F2RL1: variants seen among roughly 807,000 people sequenced by gnomAD.
F2RL1 encodes F2R like trypsin receptor 1.
A neutral mutation model predicts 21.7 loss-of-function variants in F2RL1; 16 were observed. The ratio of observed to expected loss-of-function variants is 0.74; its 90% confidence interval spans 0.50 to 1.12. F2RL1 has a LOEUF of 1.12. Ranked by LOEUF, F2RL1 falls within the 50% of genes most tolerant of loss-of-function variation. The pLI is 0.00. For missense variants in F2RL1, 432 were observed against 477.8 expected (o/e 0.90, Z 0.89); for synonymous variants, 181 against 186.7 (o/e 0.97, Z 0.25).
chr5:76,819,198 G>A lies in F2RL1; in HGVS notation c.16G>A (p.Ala6Thr). ...TTCCAGGAGGATGCGGAGCCCCAGC[G>A]CGGCGTGGCTGCTGGGGGCCGCCAT... MRSPS[A>T]AWLLGAAILL... Residue 6 changes from alanine to threonine, a missense_variant, in exon 1 of 2, where the codon GCG (alanine) becomes ACG (threonine). By Grantham distance (58) the Ala-to-Thr change is moderately conservative (BLOSUM62 0). Coordinates refer to ENST00000296677, the MANE Select transcript of F2RL1 (RefSeq NM_005242.6). The A allele has an allele frequency of 6.3e-7, 1 of 1,587,104 alleles. No homozygotes were observed. Among genetic ancestry groups the A allele is most frequent in the Non-Finnish European group, 8.5e-7 (1 of 1,175,578 alleles).
chr5:76,827,423 C>T (rs1373819600), intron 1 of F2RL1, among the ~76,000 whole-genome samples: 5 of 150,236 alleles, frequency 3.3e-5, no homozygotes, highest in African/African-American at 7.3e-5. Context: ...GGCATGAACC[C>T]GGGAGGCGGA....
chr5:76,819,341 C>T, intron 1 of F2RL1, 77 bp downstream of exon 1: 1 of 1,302,676 alleles, frequency 7.7e-7, no homozygotes, highest in Non-Finnish European at 1.1e-6. Flanking sequence ...CGGTGGGATC[C>T]GGGCAGGTGT....
In F2RL1 at chr5:76,833,937, A is replaced by G. The variant is rs565779111; in HGVS notation, c.*136A>G. On this transcript the variant is annotated 3_prime_UTR_variant, in exon 2 of 2. Transcript: ENST00000296677. ...GGATGCAGCACCTCTCAGGATTGCT[A>G]GGAGCTCCCCTGTTTGCATGAGAAA... 18 of 897,414 alleles carry G rather than the reference A, an allele frequency of 2.0e-5. No homozygotes were observed. The Admixed American group carries it at 4.4e-4, about 22-fold the overall frequency. 55.6% of individuals were successfully genotyped at this position (897,414 alleles called of 1,614,324 possible).
chr5:76,821,998 C>T (rs566243318), intron 1 of F2RL1, among the ~76,000 whole-genome samples: 52 of 152,260 alleles, frequency 3.4e-4, no homozygotes, highest in African/African-American at 1.3e-3. Context: ...AAAGTAGCCA[C>T]CGCTAATATT....
intron 1 of F2RL1, among the ~76,000 whole-genome samples, chr5:76,826,657 C>T (rs1312872900): frequency 6.6e-6 from 1 of 151,590 alleles, no homozygotes; most frequent in Non-Finnish European, 1.5e-5. Context: ...GGGCCCACAC[C>T]ACCACCTCTG....
chr5:76,831,721 T>G (rs953521094), intron 1 of F2RL1, among the ~76,000 whole-genome samples: 2 of 151,978 alleles, frequency 1.3e-5, no homozygotes, highest in Non-Finnish European at 2.9e-5. Context: ...AGAGTCAGGG[T>G]TTCGCCATGT....
intron 1 of F2RL1, among the ~76,000 whole-genome samples, chr5:76,822,072 G>T (rs968288801): frequency 1.3e-5 from 2 of 152,080 alleles, no homozygotes; most frequent in African/African-American, 2.4e-5. Context: ...CACAAATACA[G>T]AAAATATGTT....
intron 1 of F2RL1, among the ~76,000 whole-genome samples, chr5:76,820,147 G>A (rs2150603879): frequency 6.6e-6 from 1 of 152,270 alleles, no homozygotes; most frequent in Middle Eastern, 3.4e-3. Context: ...GCGCCCGGCC[G>A]TCGCGTTCCT....
chr5:76,821,588 T>G lies in F2RL1; in HGVS notation c.82+2324T>G, dbSNP rs544258794. Reference sequence around the variant, plus strand: ...TTTTTTGTTTTTTTGGTTTTTTGGGTTTTTTTTTTTTTTGACTCTCATTCG... The same window carrying G: ...TTTTTTGTTTTTTTGGTTTTTTGGGGTTTTTTTTTTTTTGACTCTCATTCG... On this transcript the variant is annotated intron_variant, in intron 1 of 1. Coordinates refer to ENST00000296677, the MANE Select transcript of F2RL1 (RefSeq NM_005242.6). Among the ~76,000 whole-genome samples, 100 of 30,318 alleles carry G rather than the reference T, an allele frequency of 3.3e-3. 1 individual carries two copies. Among genetic ancestry groups the G allele is most frequent in the Middle Eastern group, 0.038 (2 of 52 alleles). 19.9% of individuals were successfully genotyped at this position (30,318 alleles called of 152,430 possible). A position where few individuals can be genotyped will look rare whatever the true frequency, so the allele number is the denominator to read the frequency against.
Position 76,832,919 on chromosome 5 carries a change from T to A in F2RL1, c.312T>A (p.Thr104=). 1 of 1,614,246 alleles carries A rather than the reference T, an allele frequency of 6.2e-7. No individual in the cohort carries two copies. Among genetic ancestry groups the A allele is most frequent in the Non-Finnish European group, 8.5e-7 (1 of 1,180,048 alleles). The change falls in exon 2 of 2, where the codon ACT becomes ACA. Residue 104 remains threonine (T), a synonymous_variant. Transcript: ENST00000296677. ...CCCTGTGGGTCTTTCTTTTCCGAACTAAGAAGAAGCACCCTGCTGTGATTT... is the reference window on the plus strand; with the variant it reads ...CCCTGTGGGTCTTTCTTTTCCGAACAAAGAAGAAGCACCCTGCTGTGATTT... ...GMALWVFLFR[T]KKKHPAVIYM...
intron 1 of F2RL1, among the ~76,000 whole-genome samples, chr5:76,830,361 T>G (rs1442015886): frequency 1.3e-5 from 2 of 152,244 alleles, no homozygotes; most frequent in Non-Finnish European, 2.9e-5. Context: ...CACTGCAACC[T>G]CCGCCTCCCA....
In F2RL1 at chr5:76,832,717, G is replaced by A; in HGVS notation, c.110G>A (p.Ser37Asn). The change falls in exon 2 of 2, where the codon AGC (serine) becomes AAC (asparagine). Residue 37 changes from serine to asparagine, a missense_variant. Ser to Asn is a conservative substitution (Grantham distance 46). Coordinates refer to ENST00000296677, the MANE Select transcript of F2RL1 (RefSeq NM_005242.6). ...QGTSRSSKGR[S>N]LIGKVDGTSH... ...ACCAGTAGATCCTCTAAAGGAAGAA[G>A]CCTTATTGGTAAGGTTGATGGCACA... 1.9e-6 allele frequency: 3 copies of A among 1,612,434 alleles called. No homozygotes were observed. Among genetic ancestry groups the A allele is most frequent in the Non-Finnish European group, 2.5e-6 (3 of 1,178,958 alleles).
chr5:76,823,395 G>T (rs1327332210), intron 1 of F2RL1, among the ~76,000 whole-genome samples: 1 of 143,678 alleles, frequency 7.0e-6, no homozygotes, highest in Admixed American at 7.1e-5. Context: ...TTTTGAGATG[G>T]AGTCTCGCTG....
chr5:76,831,536 T>TTTA, intron 1 of F2RL1, among the ~76,000 whole-genome samples: 1 of 14,776 alleles, frequency 6.8e-5, no homozygotes, highest in Non-Finnish European at 1.3e-4. Context: ...CCTAAACTGA[T>TTTA]TTTTTTTTTT....
At chr5:76,824,301 A>T (rs1374796861) in intron 1 of F2RL1, among the ~76,000 whole-genome samples, 1 of 150,730 alleles carries the variant, frequency 6.6e-6, no homozygotes, top group Non-Finnish European at 1.5e-5. Context: ...CTAGGTTGCC[A>T]CTATGCCTGG....
At chr5:76,832,492 T>C (rs1027492662) in intron 1 of F2RL1, among the ~76,000 whole-genome samples, 198 bp from the exon 2 acceptor site, 1 of 152,130 alleles carries the variant, frequency 6.6e-6, no homozygotes, top group Admixed American at 6.5e-5. Flanking sequence ...CCTGGCTGTT[T>C]AGGAGGATTG....
intron 1 of F2RL1, among the ~76,000 whole-genome samples, chr5:76,828,153 G>A (rs1481640990): frequency 6.6e-6 from 1 of 151,970 alleles, no homozygotes; most frequent in Non-Finnish European, 1.5e-5. Flanking sequence ...ATTTTTAGTA[G>A]AGATGGGGTT....
Position 76,833,992 on chromosome 5 carries a change from GT to G in F2RL1, c.*194del, listed in dbSNP as rs1349766524. The G allele has an allele frequency of 8.0e-5, 46 of 574,004 alleles. No individual in the cohort carries two copies. In the East Asian group the frequency reaches 1.3e-3, roughly 16 times the overall value. 35.6% of individuals were successfully genotyped at this position (574,004 alleles called of 1,614,324 possible). On this transcript the variant is annotated 3_prime_UTR_variant, in exon 2 of 2. Coordinates refer to ENST00000296677, the MANE Select transcript of F2RL1 (RefSeq NM_005242.6). ...GTCCCCCAAATTAACATCAGTGTCT[GT>G]TTCAGAATCTCTCTACTCAGATGAC... is the stretch of plus-strand genomic sequence containing the variant.
chr5:76,833,874 T>C lies in F2RL1; in HGVS notation c.*73T>C. 1 of 1,491,554 alleles carries C rather than the reference T, an allele frequency of 6.7e-7. No homozygotes were observed. The highest frequency in any genetic ancestry group is 1.3e-5 in the South Asian group (1 of 77,136). The allele number at this position is 1,491,554 out of a possible 1,614,324, so 92.4% of individuals were successfully genotyped here. A position where few individuals can be genotyped will look rare whatever the true frequency, so the allele number is the denominator to read the frequency against. On this transcript the variant is annotated 3_prime_UTR_variant, in exon 2 of 2. Transcript: ENST00000296677. ...GTTTAATGTTATGAGGACGTGTCTG[T>C]TATTTCCTAATCAAAAAGGTCTCAC...
Sources: gnomAD v4.1 joint callset for allele counts (sites outside exome capture counted in the v4.1 genomes callset) on GRCh38, gnomAD v4.1.1 for gene constraint, MANE v1.5 for transcripts, NCBI Gene and HGNC (gene_info 2026-07-23, HGNC 2026-07-21) for gene names.